The following TPPP variants were observed in gnomAD, a reference collection of about 807,000 sequenced individuals.
TPPP encodes the protein tubulin polymerization-promoting protein.
Under a neutral mutation model 15.5 loss-of-function variants are expected in TPPP, and 6 were observed. That is an observed-to-expected ratio of 0.39 (90% CI 0.21 to 0.77). The LOEUF (loss-of-function observed/expected upper bound fraction) is 0.77, where lower values mean the gene tolerates loss of function less well. TPPP is among the 30% of genes least tolerant of loss of function. The probability of loss-of-function intolerance (pLI) is 0.42; values close to 1 mark genes in which losing one functional copy is unlikely to be tolerated. For missense variants in TPPP, 269 were observed against 307.2 expected, an observed-to-expected ratio of 0.88 and a Z score of 0.93; for synonymous variants, 146 against 133.9, an observed-to-expected ratio of 1.09 and a Z score of -0.63.
rs565216320 is a variant in TPPP at position 692,619 on chromosome 5, G to A, written c.-5+659C>T. The A allele has an allele frequency of 1.6e-3, 1,546 of 983,462 alleles. 23 individuals carry two copies. The highest frequency in any genetic ancestry group is 1.8e-3 in the Non-Finnish European group (1,477 of 828,900). The allele number at this position is 983,462 out of a possible 1,614,324, so 60.9% of individuals were successfully genotyped here. A position where few individuals can be genotyped will look rare whatever the true frequency, so the allele number is the denominator to read the frequency against. On this transcript the variant is annotated intron_variant, in intron 1 of 3. Transcript: ENST00000360578. ...AGAATAAAGGGCTCCTCAGATCTTC[G>A]GGCGCTGCTCCCAGGGGTGCGGGAA... is the stretch of plus-strand genomic sequence containing the variant.
At chr5:692,820 G>A (rs1184826163) in intron 1 of TPPP, 1 of 950,298 alleles carries the variant, frequency 1.1e-6, no homozygotes, top group African/African-American at 1.8e-5. Context: ...CCTGCTGCGG[G>A]CAGTGACTTC....
At chr5:700,619 C>A in the TPPP span, among the ~76,000 whole-genome samples, 45 of 152,094 alleles carry the variant, frequency 3.0e-4, no homozygotes, top group African/African-American at 4.3e-4. Context: ...TAAATAATTG[C>A]ATCTCAGAAT....
rs759499130 is a variant in TPPP, at chr5:677,799, C to T, written c.262G>A (p.Gly88Ser). The T allele has an allele frequency of 2.1e-5, 34 of 1,600,596 alleles. No individual in the cohort carries two copies. The highest frequency in any genetic ancestry group is 8.9e-5 in the South Asian group (8 of 90,286). ...ACGTCAGTGACGGTCACGTTCCTGCCGTCGATCACCTGGCAGTCCTTGCAC... is the reference window on the plus strand; with the variant it reads ...ACGTCAGTGACGGTCACGTTCCTGCTGTCGATCACCTGGCAGTCCTTGCAC... ...KLCKDCQVID[G>S]RNVTVTDVDI... Residue 88 changes from glycine (G) to serine (S), a missense_variant, in exon 2 of 4, where the codon GGC becomes AGC. By Grantham distance (56) the Gly-to-Ser change is moderately conservative (BLOSUM62 0). Coordinates refer to ENST00000360578, the MANE Select transcript of TPPP (RefSeq NM_007030.3).
chr5:671,726 C>T (rs974878254), intron 2 of TPPP, among the ~76,000 whole-genome samples: 5 of 152,234 alleles, frequency 3.3e-5, no homozygotes, highest in Middle Eastern at 3.2e-3. Context: ...CTCCACTCTG[C>T]GGAAGCCACG....
intron 1 of TPPP, 103 bp from the exon 2 acceptor site, chr5:678,167 C>T (rs759925566): frequency 1.0e-4 from 131 of 1,294,030 alleles, no homozygotes; most frequent in African/African-American, 6.0e-4. Context: ...CAGGACGTGG[C>T]GAGGGCTGAG....
At chr5:675,938 G>T (rs1397184392) in intron 2 of TPPP, 3 of 152,164 alleles carry the variant, frequency 2.0e-5, no homozygotes, top group African/African-American at 7.2e-5. Context: ...GAGGTTGGCG[G>T]GGCCACTGGG....
upstream of TPPP, chr5:693,431 C>CG (rs1740950768): frequency 1.4e-5 from 2 of 147,640 alleles, no homozygotes; most frequent in African/African-American, 4.9e-5. Flanking sequence ...CCGCCCCCGG[C>CG]CCCCAGCGTC....
At chr5:675,114 G>A (rs1220809715) in intron 2 of TPPP, among the ~76,000 whole-genome samples, 12 of 26,152 alleles carry the variant, frequency 4.6e-4, no homozygotes, top group East Asian at 9.8e-4. Flanking sequence ...GGTGCAGCAC[G>A]GGGGGTACAG....
At chr5:675,309 AGG>A (rs1740379405) in intron 2 of TPPP, among the ~76,000 whole-genome samples, 1 of 25,866 alleles carries the variant, frequency 3.9e-5, no homozygotes, top group African/African-American at 1.6e-4. Flanking sequence ...GCAGCGTGGG[AGG>A]TACAGTGTGG....
intron 2 of TPPP, 100 bp from the exon 3 acceptor site, chr5:666,223 GCCCACAGGCTTCA>G (rs1739907108): frequency 7.2e-7 from 1 of 1,397,186 alleles, no homozygotes; most frequent in Non-Finnish European, 9.7e-7. Flanking sequence ...TGGCCCAGCA[GCCCACAGGCTTCA>G]CCCACAGGCG....
At position 663,238 on chromosome 5, in the gene TPPP, C is replaced by G. The variant is rs1739747386; in HGVS notation, c.*1864G>C. ...ATCGGGTGATTCCGAACCGCACATT[C>G]AGAGTTGTTTTCAAATGTTTCCGCA... On this transcript the variant is annotated 3_prime_UTR_variant, in exon 4 of 4. Transcript: ENST00000360578. 1 of 152,144 alleles carries G rather than the reference C, an allele frequency of 6.6e-6. No individual in the cohort carries two copies. The highest frequency in any genetic ancestry group is 1.5e-5 in the Non-Finnish European group (1 of 67,984). The allele number at this position is 152,144 out of a possible 1,614,324, so 9.4% of individuals were successfully genotyped here.
intron 2 of TPPP, among the ~76,000 whole-genome samples, chr5:676,943 GCAGAAACGCGCACACGTGCACA>G (rs1317382147): frequency 2.9e-4 from 43 of 149,074 alleles, no homozygotes; most frequent in Admixed American, 2.6e-3. Context: ...CGCACACGAC[GCAGAAACGCGCACACGTGCACA>G]CAGAAACGCA....
At chr5:675,486 G>GTGCAGTGTGGCCGGGGT (rs1479295555) in intron 2 of TPPP, among the ~76,000 whole-genome samples, 1,483 of 141,444 alleles carry the variant, frequency 0.01, 63 homozygotes, top group African/African-American at 0.039. Context: ...GTGGCCAGGG[G>GTGCAGTGTGGCCGGGGT]TACATTGTGG....
At position 678,046 on chromosome 5, in the gene TPPP, G is replaced by A. The variant is rs899557504; in HGVS notation, c.15C>T (p.Ala5=). 6.4e-7 allele frequency: 1 copy of A among 1,572,250 alleles called. No individual in the cohort carries two copies. Among genetic ancestry groups the A allele is most frequent in the Non-Finnish European group, 8.6e-7 (1 of 1,159,504 alleles). MADK[A]KPAKAANRTP... is the part of the protein sequence containing the mutation. ...TCCTGTTGGCAGCTTTGGCAGGCTTGGCCTTGTCAGCCATGTTGCTATGGA... is the reference window on the plus strand; with the variant it reads ...TCCTGTTGGCAGCTTTGGCAGGCTTAGCCTTGTCAGCCATGTTGCTATGGA... Residue 5 remains alanine (A), a synonymous_variant, in exon 2 of 4, where the codon GCC becomes GCT. Coordinates refer to ENST00000360578, the MANE Select transcript of TPPP (RefSeq NM_007030.3).
intron 2 of TPPP, chr5:675,810 C>G (rs946403388): frequency 2.6e-5 from 4 of 152,258 alleles, no homozygotes; most frequent in Non-Finnish European, 5.9e-5. Context: ...ATGGCCCTTT[C>G]CGAGGCCGGG....
At chr5:678,470 G>A (rs1267403468) in intron 1 of TPPP, among the ~76,000 whole-genome samples, 1 of 144,360 alleles carries the variant, frequency 6.9e-6, no homozygotes, top group Non-Finnish European at 1.5e-5. Context: ...TCCCTCCTGT[G>A]GACGCCCGCT....
At chr5:682,752 C>T (rs1162761365) in intron 1 of TPPP, among the ~76,000 whole-genome samples, 1 of 152,170 alleles carries the variant, frequency 6.6e-6, no homozygotes, top group Non-Finnish European at 1.5e-5. Flanking sequence ...CCCACGCCCA[C>T]GCGGGGGTGG....
chr5:697,163 C>T (rs1263819289), upstream of TPPP, among the ~76,000 whole-genome samples: 5 of 146,136 alleles, frequency 3.4e-5, no homozygotes, highest in African/African-American at 4.9e-5. Flanking sequence ...GTGCAGGTTC[C>T]GGGTCTTGCT....
rs115963004 is a variant in TPPP at position 669,889 on chromosome 5, C to T, written c.312-3766G>A. The stretch of plus-strand genomic sequence containing the variant: ...AGACACTCAGTCTGGCTGCCCGGCT[C>T]TCCTGACATAGAGTGGGCCTGTCCT... On this transcript the variant is annotated intron_variant, in intron 2 of 3. Transcript: ENST00000360578. Among the ~76,000 whole-genome samples, 1,503 of 152,302 alleles carry T rather than the reference C, an allele frequency of 9.9e-3. 31 individuals carry two copies. The highest frequency in any genetic ancestry group is 0.034 in the African/African-American group (1,408 of 41,564).
Sources: gnomAD v4.1 joint callset for allele counts (sites outside exome capture counted in the v4.1 genomes callset) on GRCh38, gnomAD v4.1.1 for gene constraint, MANE v1.5 for transcripts, NCBI Gene and HGNC (gene_info 2026-07-23, HGNC 2026-07-21) for gene names.